Variants in PRKCQ observed in about 807,000 individuals in gnomAD.
PRKCQ encodes protein kinase C theta, also known as protein kinase C theta type.
A neutral mutation model predicts 91.2 loss-of-function variants in PRKCQ; 41 were observed. That is an observed-to-expected ratio of 0.45 (90% CI 0.35 to 0.58). The LOEUF (loss-of-function observed/expected upper bound fraction) is 0.58. PRKCQ is among the 20% of genes least tolerant of loss of function. PRKCQ has a pLI of 0.00. For missense variants in PRKCQ, 673 were observed against 896.5 expected, an observed-to-expected ratio of 0.75 and a Z score of 3.18; for synonymous variants, 307 against 316.9, an observed-to-expected ratio of 0.97 and a Z score of 0.33.
chr10:6,444,534 A>G (rs767825941), intron 15 of PRKCQ, among the ~76,000 whole-genome samples: 1 of 152,128 alleles, frequency 6.6e-6, no homozygotes, highest in Non-Finnish European at 1.5e-5. Flanking sequence ...TGCTCCAAGG[A>G]TGAGTTGCGG....
At chr10:6,424,745 G>C (rs1588633990), downstream of PRKCQ, among the ~76,000 whole-genome samples, 1 of 152,116 alleles carries the variant, frequency 6.6e-6, no homozygotes, top group Non-Finnish European at 1.5e-5. Flanking sequence ...GGTCTTGCTG[G>C]ACGGGATCTG....
chr10:6,455,466 T>C (rs1377592747), intron 15 of PRKCQ, among the ~76,000 whole-genome samples: 1 of 152,200 alleles, frequency 6.6e-6, no homozygotes, highest in African/African-American at 2.4e-5. Flanking sequence ...GTTCTAGGAC[T>C]CAGATGGCCA....
At chr10:6,530,527 G>T (rs1004390017) in intron 1 of PRKCQ, among the ~76,000 whole-genome samples, 3 of 152,244 alleles carry the variant, frequency 2.0e-5, no homozygotes, top group South Asian at 2.1e-4. Context: ...GGCAACGGGG[G>T]ACTGGGCTAT....
intron 11 of PRKCQ, among the ~76,000 whole-genome samples, chr10:6,482,056 G>A (rs1172075969): frequency 1.4e-5 from 2 of 147,950 alleles, no homozygotes; most frequent in African/African-American, 2.5e-5. Flanking sequence ...ATCTGTGAGT[G>A]ATGGAGACAA....
At chr10:6,565,157 C>T (rs549232804) in intron 1 of PRKCQ, among the ~76,000 whole-genome samples, 2 of 152,168 alleles carry the variant, frequency 1.3e-5, no homozygotes, top group Non-Finnish European at 2.9e-5. Flanking sequence ...CTTTATAATG[C>T]GCCTTCTTAG....
intron 1 of PRKCQ, among the ~76,000 whole-genome samples, chr10:6,570,549 GCTT>G (rs1365607245): frequency 6.8e-6 from 1 of 146,292 alleles, no homozygotes; most frequent in Non-Finnish European, 1.5e-5. Flanking sequence ...GAACTAAGGG[GCTT>G]CTTTTTTTTT....
intron 1 of PRKCQ, among the ~76,000 whole-genome samples, chr10:6,574,036 A>G (rs1039252669): frequency 1.3e-5 from 2 of 152,178 alleles, no homozygotes; most frequent in Admixed American, 1.3e-4. Flanking sequence ...GGATCCCTTG[A>G]GCCTCAGAGG....
At chr10:6,516,863 G>A (rs1396598761) in intron 1 of PRKCQ, among the ~76,000 whole-genome samples, 1 of 152,104 alleles carries the variant, frequency 6.6e-6, no homozygotes, top group Admixed American at 6.5e-5. Context: ...GGTGACCAGG[G>A]CTTCCATTAC....
At chr10:6,460,966 C>T (rs1234804788) in intron 14 of PRKCQ, among the ~76,000 whole-genome samples, 1 of 150,854 alleles carries the variant, frequency 6.6e-6, no homozygotes, top group African/African-American at 2.4e-5. Context: ...CATACATCAT[C>T]CATCCACCCA....
intron 17 of PRKCQ, among the ~76,000 whole-genome samples, chr10:6,428,925 C>A (rs1833265571): frequency 6.6e-6 from 1 of 152,194 alleles, no homozygotes; most frequent in Non-Finnish European, 1.5e-5. Context: ...CCTTTCAGAC[C>A]ACTTGGTCCA....
chr10:6,538,565 A>G (rs1036241840), intron 1 of PRKCQ, among the ~76,000 whole-genome samples: 12 of 152,184 alleles, frequency 7.9e-5, no homozygotes, highest in Admixed American at 7.2e-4. Flanking sequence ...CCTTTAGAAC[A>G]TCTAGTCGGC....
Position 6,428,480 on chromosome 10 carries a change from AC to A in PRKCQ, c.1966-119del, listed in dbSNP as rs940332093. 73 of 1,136,270 alleles carry A rather than the reference AC, an allele frequency of 6.4e-5. No individual in the cohort carries two copies. In the Admixed American group the frequency reaches 1.5e-3, roughly 23 times the overall value. The allele number at this position is 1,136,270 out of a possible 1,614,324, so 70.4% of individuals were successfully genotyped here. On this transcript the variant is annotated intron_variant, in intron 17 of 17. Coordinates refer to ENST00000263125, the MANE Select transcript of PRKCQ (RefSeq NM_006257.5). ...TATGGCAAAGTTGGTGTTTGCAGAG[AC>A]ACTAAATGGAGGCAATGCCTACAGA...
intron 4 of PRKCQ, among the ~76,000 whole-genome samples, chr10:6,498,761 G>A (rs650652): frequency 0.28 from 42,926 of 151,966 alleles, 7,451 homozygotes; most frequent in South Asian, 0.44. Flanking sequence ...TCATCATAGG[G>A]CATATTGTTA....
chr10:6,512,369 C>A (rs1838522893), intron 2 of PRKCQ, among the ~76,000 whole-genome samples: 1 of 152,200 alleles, frequency 6.6e-6, no homozygotes, highest in Non-Finnish European at 1.5e-5. Context: ...TGAGTAAAGG[C>A]AGGTAGGCAG....
the PRKCQ span, among the ~76,000 whole-genome samples, chr10:6,417,966 A>G: frequency 1.6e-3 from 250 of 152,176 alleles, 1 homozygote; most frequent in Admixed American, 2.9e-3. Flanking sequence ...TCTCCCAGAC[A>G]TGGGTCTCCT....
intron 8 of PRKCQ, among the ~76,000 whole-genome samples, chr10:6,488,324 C>T (rs1837045084): frequency 6.6e-6 from 1 of 151,838 alleles, no homozygotes; most frequent in African/African-American, 2.4e-5. Flanking sequence ...TTTCACTGGT[C>T]CACTCTTCTT....
the PRKCQ span, among the ~76,000 whole-genome samples, chr10:6,417,982 C>T: frequency 2.6e-5 from 4 of 152,230 alleles, no homozygotes; most frequent in Admixed American, 2.6e-4. Flanking sequence ...CTCCTTCCCC[C>T]ATCTCCCAGA....
chr10:6,491,041 T>C (rs1364792550), intron 8 of PRKCQ, among the ~76,000 whole-genome samples: 3 of 152,180 alleles, frequency 2.0e-5, no homozygotes, highest in Non-Finnish European at 4.4e-5. Flanking sequence ...CCATCAATAA[T>C]GAATGGCAGG....
At chr10:6,471,728 C>T (rs911676357) in intron 12 of PRKCQ, among the ~76,000 whole-genome samples, 2 of 152,038 alleles carry the variant, frequency 1.3e-5, no homozygotes, top group Non-Finnish European at 2.9e-5. Flanking sequence ...CCAATCTGGG[C>T]GACAGAGTGA....
Sources: gnomAD v4.1 joint callset for allele counts (sites outside exome capture counted in the v4.1 genomes callset) on GRCh38, gnomAD v4.1.1 for gene constraint, MANE v1.5 for transcripts, NCBI Gene and HGNC (gene_info 2026-07-23, HGNC 2026-07-21) for gene names.